The following HCAR1 variants were observed in gnomAD, a reference collection of about 807,000 sequenced individuals.
The protein encoded by HCAR1 is G protein-coupled receptor 104.
For missense variants in HCAR1, 445 were observed against 448.7 expected, an observed-to-expected ratio of 0.99 and a Z score of 0.07; for synonymous variants, 183 against 182.1, an observed-to-expected ratio of 1.01 and a Z score of -0.04.
At position 122,726,349 on chromosome 12, in the gene HCAR1, G is replaced by A. The variant is rs1182788249; in HGVS notation, c.*2950C>T. On this transcript the variant is annotated 3_prime_UTR_variant, in exon 1 of 1. Transcript: ENST00000432564. ...GCCTCCATTTCTTTATATGTAAAAC[G>A]TGTTAATATAAGAAGTCATAATATT... 2.0e-5 allele frequency: 3 copies of A among 152,132 alleles called. No individual in the cohort carries two copies. Among genetic ancestry groups the A allele is most frequent in the Admixed American group, 1.3e-4 (2 of 15,272 alleles). 9.4% of individuals were successfully genotyped at this position (152,132 alleles called of 1,614,324 possible).
At position 122,730,426 on chromosome 12, in the gene HCAR1, C is replaced by G. The variant is rs1038639232; in HGVS notation, c.-87G>C. On this transcript the variant is annotated 5_prime_UTR_variant, in exon 1 of 1. Transcript: ENST00000432564. The stretch of plus-strand genomic sequence containing the variant: ...ATGCTTATCTGAGCGTTAGCACTCA[C>G]CCAGCTGCTGCGTGTCTGACTTCAT... 1.9e-6 allele frequency: 2 copies of G among 1,063,620 alleles called. No homozygotes were observed. The highest frequency in any genetic ancestry group is 6.0e-5 in the Admixed American group (2 of 33,116). 65.9% of individuals were successfully genotyped at this position (1,063,620 alleles called of 1,614,324 possible). A position where few individuals can be genotyped will look rare whatever the true frequency, so the allele number is the denominator to read the frequency against.
In HCAR1 at chr12:122,730,021, T is replaced by A. The variant is rs775238517; in HGVS notation, c.319A>T (p.Thr107Ser). ...MNRAGSIVFL[T>S]VVAADRYFKV... ...AAATACCTGTCCGCAGCCACCACCGTAAGGAACACGATGCTCCCGGCCCTG... is the reference window on the plus strand; with the variant it reads ...AAATACCTGTCCGCAGCCACCACCGAAAGGAACACGATGCTCCCGGCCCTG... The change falls in exon 1 of 1, where the codon ACG becomes TCG. Residue 107 changes from threonine to serine, a missense_variant. Thr to Ser is a moderately conservative substitution (Grantham distance 58, BLOSUM62 1). Transcript: ENST00000432564. 2.4e-5 allele frequency: 38 copies of A among 1,613,716 alleles called. No homozygotes were observed. Among genetic ancestry groups the A allele is most frequent in the Non-Finnish European group, 3.0e-5 (35 of 1,179,968 alleles).
chr12:122,730,155 A>T lies in HCAR1; in HGVS notation c.185T>A (p.Phe62Tyr). The change falls in exon 1 of 1, where the codon TTC (phenylalanine) becomes TAC (tyrosine). Residue 62 changes from phenylalanine to tyrosine, a missense_variant. Phe to Tyr is a conservative substitution (Grantham distance 22). Transcript: ENST00000432564. ...VYLFNLAVAD[F>Y]LLMICLPFRT... is the part of the protein sequence containing the mutation. Reference sequence around the variant, plus strand: ...AAAAGGCAGGCAGATCATAAGGAGGAAATCAGCCACGGCCAAATTGAAAAG... The same window carrying T: ...AAAAGGCAGGCAGATCATAAGGAGGTAATCAGCCACGGCCAAATTGAAAAG... 1 of 1,614,140 alleles carries T rather than the reference A, an allele frequency of 6.2e-7. No individual in the cohort carries two copies. Among genetic ancestry groups the T allele is most frequent in the Non-Finnish European group, 8.5e-7 (1 of 1,180,012 alleles).
chr12:122,730,253 G>T lies in HCAR1; in HGVS notation c.87C>A (p.Gly29=). Residue 29 remains glycine (G), a synonymous_variant, in exon 1 of 1, where the codon GGC becomes GGA. Transcript: ENST00000432564. The part of the protein sequence containing the change: ...PPLLIVAFVL[G]ALGNGVALCG... ...ACAGGGCGACCCCATTGCCTAGTGC[G>T]CCCAGCACAAAGGCCACAATGAGCA... is the stretch of plus-strand genomic sequence containing the variant. The T allele has an allele frequency of 6.2e-7, 1 of 1,612,770 alleles. No individual in the cohort carries two copies. The highest frequency in any genetic ancestry group is 8.5e-7 in the Non-Finnish European group (1 of 1,179,060).
rs745329011 is a variant in HCAR1 at position 122,730,080 on chromosome 12, G to A, written c.260C>T (p.Pro87Leu). The A allele has an allele frequency of 1.9e-5, 30 of 1,614,038 alleles. No individual in the cohort carries two copies. In the South Asian group the frequency reaches 2.6e-4, roughly 14 times the overall value. The change falls in exon 1 of 1, where the codon CCC (proline) becomes CTC (leucine). Residue 87 changes from proline to leucine, a missense_variant. Coordinates refer to ENST00000432564, the MANE Select transcript of HCAR1 (RefSeq NM_032554.4). ...CAACGTGAAGAGCCCCACTCGGCAG[G>A]GAATGTCCCCAAAAGCCCAGTGTCT... ...RRRHWAFGDI[P>L]CRVGLFTLAM...
Position 122,729,563 on chromosome 12 carries a change from G to C in HCAR1, c.777C>G (p.Ala259=). 6.2e-7 allele frequency: 1 copy of C among 1,614,060 alleles called. No individual in the cohort carries two copies. The highest frequency in any genetic ancestry group is 1.3e-5 in the African/African-American group (1 of 75,006). ...AGGTGAAGCTGAGGGTTATGTGCAGGGCCCCATGGACAGAGGGATCGCAGG... is the reference window on the plus strand; with the variant it reads ...AGGTGAAGCTGAGGGTTATGTGCAGCGCCCCATGGACAGAGGGATCGCAGG... The part of the protein sequence containing the change: ...SSACDPSVHG[A]LHITLSFTYM... The change falls in exon 1 of 1, where the codon GCC becomes GCG. Residue 259 remains alanine, a synonymous_variant. Transcript: ENST00000432564.
At position 122,730,796 on chromosome 12, in the gene HCAR1, A is replaced by G. The variant is rs1877931350; in HGVS notation, c.-457T>C. On this transcript the variant is annotated 5_prime_UTR_variant, in exon 1 of 1. Coordinates refer to ENST00000432564, the MANE Select transcript of HCAR1 (RefSeq NM_032554.4). ...AGCACACAAAGCTGCCCAGAAGGCA[A>G]GAAGAAAGCTTGTTTGTCCTCCCTC... 6.5e-6 allele frequency: 1 copy of G among 154,542 alleles called. No homozygotes were observed. The highest frequency in any genetic ancestry group is 1.4e-5 in the Non-Finnish European group (1 of 69,778). The allele number at this position is 154,542 out of a possible 1,614,324, so 9.6% of individuals were successfully genotyped here.
rs544782714 is a variant in HCAR1 at position 122,728,105 on chromosome 12, T to C, written c.*1194A>G. ...TCCCCACCCCCCCAAAAAACTTTAC[T>C]GTCACATAAGAGTTGACTAATGACC... is the stretch of plus-strand genomic sequence containing the variant. On this transcript the variant is annotated 3_prime_UTR_variant, in exon 1 of 1. Coordinates refer to ENST00000432564, the MANE Select transcript of HCAR1 (RefSeq NM_032554.4). 2 of 151,972 alleles carry C rather than the reference T, an allele frequency of 1.3e-5. No homozygotes were observed. The highest frequency in any genetic ancestry group is 2.9e-5 in the Non-Finnish European group (2 of 68,010). 9.4% of individuals were successfully genotyped at this position (151,972 alleles called of 1,614,324 possible). A position where few individuals can be genotyped will look rare whatever the true frequency, so the allele number is the denominator to read the frequency against.
Position 122,729,952 on chromosome 12 carries a change from G to T in HCAR1, c.388C>A (p.Arg130=), listed in dbSNP as rs765077411. ...PHHAVNTIST[R]VAAGIVCTLW... Reference sequence around the variant, plus strand: ...GTGCAGACGATGCCAGCCGCCACCCGGGTGGAGATAGTGTTCACCGCGTGG... The same window carrying T: ...GTGCAGACGATGCCAGCCGCCACCCTGGTGGAGATAGTGTTCACCGCGTGG... Residue 130 remains arginine (R), a synonymous_variant, in exon 1 of 1, where the codon CGG becomes AGG. Transcript: ENST00000432564. 1.4e-5 allele frequency: 22 copies of T among 1,613,598 alleles called. No homozygotes were observed. The highest frequency in any genetic ancestry group is 1.8e-5 in the Non-Finnish European group (21 of 1,179,870).
chr12:122,727,862 G>T lies in HCAR1; in HGVS notation c.*1437C>A, dbSNP rs188802349. On this transcript the variant is annotated 3_prime_UTR_variant, in exon 1 of 1. Coordinates refer to ENST00000432564, the MANE Select transcript of HCAR1 (RefSeq NM_032554.4). Reference sequence around the variant, plus strand: ...AACCATGTTCACCACTTTGTAGCTTGAGAAAGGAGCTAGAGTTGGCCTGGA... The same window carrying T: ...AACCATGTTCACCACTTTGTAGCTTTAGAAAGGAGCTAGAGTTGGCCTGGA... 6.6e-6 allele frequency: 1 copy of T among 152,332 alleles called. No individual in the cohort carries two copies. 9.4% of individuals were successfully genotyped at this position (152,332 alleles called of 1,614,324 possible).
rs1489049096 is a variant in HCAR1 at position 122,728,580 on chromosome 12, A to C, written c.*719T>G. On this transcript the variant is annotated 3_prime_UTR_variant, in exon 1 of 1. Transcript: ENST00000432564. ...GAGATAAGGAATGATTTAAGGTCAG[A>C]GGATAGGAAATGCTGCTAACTGCCC... 1 of 152,322 alleles carries C rather than the reference A, an allele frequency of 6.6e-6. No homozygotes were observed. Among genetic ancestry groups the C allele is most frequent in the Non-Finnish European group, 1.5e-5 (1 of 68,108 alleles). The allele number at this position is 152,322 out of a possible 1,614,324, so 9.4% of individuals were successfully genotyped here. A position where few individuals can be genotyped will look rare whatever the true frequency, so the allele number is the denominator to read the frequency against.
Position 122,728,916 on chromosome 12 carries a change from G to A in HCAR1, c.*383C>T, listed in dbSNP as rs192270496. ...CGGGAGGCAGAGGTTGCAGTGAGCC[G>A]AGACTGTGCCACTGCACTCCAGCCT... On this transcript the variant is annotated 3_prime_UTR_variant, in exon 1 of 1. Coordinates refer to ENST00000432564, the MANE Select transcript of HCAR1 (RefSeq NM_032554.4). 1.7e-4 allele frequency: 34 copies of A among 194,822 alleles called. No individual in the cohort carries two copies. The highest frequency in any genetic ancestry group is 2.3e-3 in the Middle Eastern group (1 of 432). 12.1% of individuals were successfully genotyped at this position (194,822 alleles called of 1,614,324 possible).
chr12:122,729,656 C>T lies in HCAR1; in HGVS notation c.684G>A (p.Val228=). Residue 228 remains valine (V), a synonymous_variant, in exon 1 of 1, where the codon GTG becomes GTA. Transcript: ENST00000432564. ...CGCTGGGCAGGTAGCATGTGATGAA[C>T]ACAATTGCCACCACCATGATGAACC... ...ATRFIMVVAI[V]FITCYLPSVS... 1 of 1,614,090 alleles carries T rather than the reference C, an allele frequency of 6.2e-7. No homozygotes were observed. Among genetic ancestry groups the T allele is most frequent in the South Asian group, 1.1e-5 (1 of 91,086 alleles).
In HCAR1 at chr12:122,729,375, C is replaced by G; in HGVS notation, c.965G>C (p.Ser322Thr). The change falls in exon 1 of 1, where the codon AGT becomes ACT. Residue 322 changes from serine to threonine, a missense_variant. By Grantham distance (58) the Ser-to-Thr change is moderately conservative (BLOSUM62 1). Transcript: ENST00000432564. ...GAAACTATTTGCCACACTGATGCAACTCCTGCGACCGAGGTTCGAAATTGG... is the reference window on the plus strand; with the variant it reads ...GAAACTATTTGCCACACTGATGCAAGTCCTGCGACCGAGGTTCGAAATTGG... ...EMPISNLGRR[S>T]CISVANSFQS... The G allele has an allele frequency of 6.2e-7, 1 of 1,614,184 alleles. No homozygotes were observed. Among genetic ancestry groups the G allele is most frequent in the Non-Finnish European group, 8.5e-7 (1 of 1,180,038 alleles).
chr12:122,729,999 T>C lies in HCAR1; in HGVS notation c.341A>G (p.Tyr114Cys). 1 of 1,613,948 alleles carries C rather than the reference T, an allele frequency of 6.2e-7. No homozygotes were observed. The highest frequency in any genetic ancestry group is 8.5e-7 in the Non-Finnish European group (1 of 1,179,990). Residue 114 changes from tyrosine to cysteine, a missense_variant, in exon 1 of 1, where the codon TAT (tyrosine) becomes TGT (cysteine). Tyr to Cys is a radical substitution (Grantham distance 194). Transcript: ENST00000432564. ...GTGGTGGGGGTGGACCACTTTGAAA[T>C]ACCTGTCCGCAGCCACCACCGTAAG... is the stretch of plus-strand genomic sequence containing the variant. ...VFLTVVAADRYFKVVHPHHAV... is the reference protein window; with the variant it reads ...VFLTVVAADRCFKVVHPHHAV...
rs763896807 is a variant in HCAR1 at position 122,729,975 on chromosome 12, T to C, written c.365A>G (p.His122Arg). The C allele has an allele frequency of 6.2e-7, 1 of 1,613,936 alleles. No homozygotes were observed. Among genetic ancestry groups the C allele is most frequent in the Non-Finnish European group, 8.5e-7 (1 of 1,179,998 alleles). ...DRYFKVVHPH[H>R]AVNTISTRVA... ...CCGGGTGGAGATAGTGTTCACCGCG[T>C]GGTGGGGGTGGACCACTTTGAAATA... The change falls in exon 1 of 1, where the codon CAC (histidine) becomes CGC (arginine). Residue 122 changes from histidine to arginine, a missense_variant. By Grantham distance (29) the His-to-Arg change is conservative (BLOSUM62 0). Transcript: ENST00000432564.
Position 122,730,440 on chromosome 12 carries a change from G to T in HCAR1, c.-101C>A. The T allele has an allele frequency of 2.2e-6, 2 of 925,178 alleles. No homozygotes were observed. Among genetic ancestry groups the T allele is most frequent in the South Asian group, 1.9e-5 (1 of 51,828 alleles). 57.3% of individuals were successfully genotyped at this position (925,178 alleles called of 1,614,324 possible). On this transcript the variant is annotated 5_prime_UTR_variant, in exon 1 of 1. Coordinates refer to ENST00000432564, the MANE Select transcript of HCAR1 (RefSeq NM_032554.4). ...GTTAGCACTCACCCAGCTGCTGCGT[G>T]TCTGACTTCATCACCCAGGATGCGG...
rs1877805081 is a variant in HCAR1 at position 122,726,927 on chromosome 12, AAATAT to A, written c.*2367_*2371del. 1 of 93,802 alleles carries A rather than the reference AAATAT, an allele frequency of 1.1e-5. No individual in the cohort carries two copies. Among genetic ancestry groups the A allele is most frequent in the Admixed American group, 1.2e-4 (1 of 8,430 alleles). The allele number at this position is 93,802 out of a possible 1,614,324, so 5.8% of individuals were successfully genotyped here. On this transcript the variant is annotated 3_prime_UTR_variant, in exon 1 of 1. Transcript: ENST00000432564. ...GACTCTGTCTCAAAAAAAAAAAAAA[AAATAT>A]ATATATATATAGATAGATAGATATC... is the stretch of plus-strand genomic sequence containing the variant.
rs1038639232 is a variant in HCAR1, at chr12:122,730,426, C to T, written c.-87G>A. On this transcript the variant is annotated 5_prime_UTR_variant, in exon 1 of 1. It adds an upstream start codon to the 5' untranslated region. Coordinates refer to ENST00000432564, the MANE Select transcript of HCAR1 (RefSeq NM_032554.4). Reference sequence around the variant, plus strand: ...ATGCTTATCTGAGCGTTAGCACTCACCCAGCTGCTGCGTGTCTGACTTCAT... The same window carrying T: ...ATGCTTATCTGAGCGTTAGCACTCATCCAGCTGCTGCGTGTCTGACTTCAT... 2.1e-5 allele frequency: 22 copies of T among 1,063,620 alleles called. No individual in the cohort carries two copies. The South Asian group carries it at 3.9e-4, about 19-fold the overall frequency. The allele number at this position is 1,063,620 out of a possible 1,614,324, so 65.9% of individuals were successfully genotyped here.
Sources: allele counts gnomAD v4.1 joint callset, GRCh38; gene constraint gnomAD v4.1.1; transcripts MANE v1.5; gene names NCBI Gene and HGNC (gene_info 2026-07-23, HGNC 2026-07-21).